Variants in TMEM132E observed in about 807,000 individuals in gnomAD.
TMEM132E encodes the protein transmembrane protein 132E.
TMEM132E carries 49 observed loss-of-function variants against 78.5 expected under a neutral mutation model. That is an observed-to-expected ratio of 0.62 (90% CI 0.50 to 0.79). The LOEUF (loss-of-function observed/expected upper bound fraction) is 0.79, where lower values mean the gene tolerates loss of function less well. Among genes scored for constraint, TMEM132E ranks in the 30% least tolerant of loss-of-function variants. The pLI is 0.00. For missense variants in TMEM132E, 1,403 were observed against 1,470.9 expected (o/e 0.95, Z 0.75); for synonymous variants, 715 against 670.6 (o/e 1.07, Z -1.02).
At position 34,627,064 on chromosome 17, in the gene TMEM132E, G is replaced by A. The variant is rs1907173685; in HGVS notation, c.998+7G>A. 3 of 1,612,456 alleles carry A rather than the reference G, an allele frequency of 1.9e-6. No homozygotes were observed. Among genetic ancestry groups the A allele is most frequent in the Non-Finnish European group, 1.7e-6 (2 of 1,179,094 alleles). ...TGGAGCACTTCACACTCAGGTAGTA[G>A]GGAAGATGGGTGGGGATCTGGTTTC... On this transcript the variant is annotated splice_region_variant and intron_variant, in intron 2 of 8. Transcript: ENST00000631683.
At chr17:34,604,595 C>T (rs1906350032) in intron 1 of TMEM132E, among the ~76,000 whole-genome samples, 1 of 152,106 alleles carries the variant, frequency 6.6e-6, no homozygotes, top group African/African-American at 2.4e-5. Flanking sequence ...CCTCCCCCAA[C>T]TCAGATGACC....
intron 1 of TMEM132E, among the ~76,000 whole-genome samples, chr17:34,587,557 A>G (rs936362725): frequency 2.0e-5 from 3 of 152,086 alleles, no homozygotes; most frequent in Non-Finnish European, 2.9e-5. Context: ...GGACCCCACA[A>G]CCTTCTCAGC....
rs147443444 is a variant in TMEM132E at position 34,593,587 on chromosome 17, C to A, written c.67+12444C>A. ...ACCTCCTGCTGTCCTTCTTGGAAAT[C>A]CCCTGCCCAGCTCAGTGCCTGCTCA... is the stretch of plus-strand genomic sequence containing the variant. On this transcript the variant is annotated intron_variant, in intron 1 of 8. Transcript: ENST00000631683. Among the ~76,000 whole-genome samples, 592 of 152,366 alleles carry A rather than the reference C, an allele frequency of 3.9e-3. 4 individuals carry two copies. Among genetic ancestry groups the A allele is most frequent in the African/African-American group, 0.014 (562 of 41,588 alleles).
intron 6 of TMEM132E, 43 bp downstream of exon 6, chr17:34,632,952 G>A (rs779530512): frequency 6.2e-7 from 1 of 1,606,200 alleles, no homozygotes; most frequent in South Asian, 1.1e-5. Context: ...AAACTCATGG[G>A]TGGATACAGC....
intron 1 of TMEM132E, among the ~76,000 whole-genome samples, chr17:34,601,364 C>T (rs1017001500): frequency 2.6e-5 from 4 of 152,192 alleles, no homozygotes; most frequent in Non-Finnish European, 5.9e-5. Flanking sequence ...GAGTGAGGGG[C>T]TTGGAGGAGA....
chr17:34,599,030 C>T (rs1025957296), intron 1 of TMEM132E, among the ~76,000 whole-genome samples: 3 of 152,184 alleles, frequency 2.0e-5, no homozygotes, highest in African/African-American at 7.2e-5. Flanking sequence ...TGAGTCCAGG[C>T]GGATGAAAAT....
At chr17:34,594,810 C>T (rs1407867497) in intron 1 of TMEM132E, among the ~76,000 whole-genome samples, 1 of 152,130 alleles carries the variant, frequency 6.6e-6, no homozygotes, top group East Asian at 1.9e-4. Flanking sequence ...TGATGTTATC[C>T]AAGCTGGTCT....
intron 4 of TMEM132E, 100 bp downstream of exon 4, chr17:34,629,304 A>G: frequency 7.5e-7 from 1 of 1,328,206 alleles, no homozygotes; most frequent in African/African-American, 1.5e-5. Flanking sequence ...GTACAAATTG[A>G]CATGTGTGTA....
chr17:34,580,998 G>T lies in TMEM132E; in HGVS notation c.-79G>T. 7.9e-7 allele frequency: 1 copy of T among 1,265,926 alleles called. No individual in the cohort carries two copies. Among genetic ancestry groups the T allele is most frequent in the South Asian group, 1.5e-5 (1 of 67,710 alleles). The allele number at this position is 1,265,926 out of a possible 1,614,324, so 78.4% of individuals were successfully genotyped here. A position where few individuals can be genotyped will look rare whatever the true frequency, so the allele number is the denominator to read the frequency against. The stretch of plus-strand genomic sequence containing the variant: ...CCGGGCGCCACGGCAGCCCTGAGTT[G>T]GATGTGACCAAGCCCAGCCTGGGGC... On this transcript the variant is annotated 5_prime_UTR_variant, in exon 1 of 9. Coordinates refer to ENST00000631683, the MANE Select transcript of TMEM132E (RefSeq NM_001304438.2).
At chr17:34,614,991 T>C (rs965763157) in intron 1 of TMEM132E, among the ~76,000 whole-genome samples, 3 of 152,166 alleles carry the variant, frequency 2.0e-5, no homozygotes, top group African/African-American at 7.2e-5. Flanking sequence ...TGGCCTCCTC[T>C]TGGGATTGCT....
chr17:34,635,970 C>T, intron 7 of TMEM132E, 37 bp from the exon 8 acceptor site: 1 of 1,350,888 alleles, frequency 7.4e-7, no homozygotes, highest in South Asian at 2.0e-5. Context: ...GGTGTGCTTT[C>T]CTGGTTCTCT....
At chr17:34,588,001 A>C (rs1484822384) in intron 1 of TMEM132E, among the ~76,000 whole-genome samples, 1 of 152,180 alleles carries the variant, frequency 6.6e-6, no homozygotes, top group African/African-American at 2.4e-5. Flanking sequence ...GCAGCCAGCC[A>C]TGCGGGCCCT....
chr17:34,608,845 C>T (rs1407814090), intron 1 of TMEM132E, among the ~76,000 whole-genome samples: 1 of 152,160 alleles, frequency 6.6e-6, no homozygotes, highest in Admixed American at 6.6e-5. Flanking sequence ...AAATGTCCAG[C>T]CGAATACCCC....
rs1907124475 is a variant in TMEM132E, at chr17:34,626,362, G to A, written c.303G>A (p.Gln101=). Residue 101 remains glutamine, a synonymous_variant, in exon 2 of 9, where the codon CAG becomes CAA. Coordinates refer to ENST00000631683, the MANE Select transcript of TMEM132E (RefSeq NM_001304438.2). ...CTCTGGGGCCCTTCAGCACCAGCCA[G>A]GTGGTGGCGCGGGAGCTCCTGCAGC... ...NVSLGPFSTS[Q]VVARELLQPS... is the part of the protein sequence containing the mutation. 1.2e-6 allele frequency: 2 copies of A among 1,613,228 alleles called. No individual in the cohort carries two copies. Among genetic ancestry groups the A allele is most frequent in the Non-Finnish European group, 8.5e-7 (1 of 1,179,774 alleles).
At chr17:34,581,756 C>T (rs575387740) in intron 1 of TMEM132E, among the ~76,000 whole-genome samples, 22 of 151,676 alleles carry the variant, frequency 1.5e-4, no homozygotes, top group Non-Finnish European at 2.8e-4. Context: ...CAGGCCGGGG[C>T]GGTGGGCCGC....
Position 34,636,154 on chromosome 17 carries a change from C to T in TMEM132E, c.2125C>T (p.Leu709=). 5.1e-6 allele frequency: 8 copies of T among 1,566,222 alleles called. No individual in the cohort carries two copies. Among genetic ancestry groups the T allele is most frequent in the Non-Finnish European group, 6.9e-6 (8 of 1,159,184 alleles). Residue 709 remains leucine, a synonymous_variant, in exon 8 of 9, where the codon CTA becomes TTA. Coordinates refer to ENST00000631683, the MANE Select transcript of TMEM132E (RefSeq NM_001304438.2). ...RPSPGSSHTI[L]ATTAAQQTLS... Reference sequence around the variant, plus strand: ...CAGCCCTGGGAGCAGCCACACCATCCTAGCCACCACAGCTGCCCAACAGAC... The same window carrying T: ...CAGCCCTGGGAGCAGCCACACCATCTTAGCCACCACAGCTGCCCAACAGAC...
intron 1 of TMEM132E, among the ~76,000 whole-genome samples, chr17:34,616,603 A>C (rs1906786713): frequency 6.6e-6 from 1 of 152,146 alleles, no homozygotes; most frequent in African/African-American, 2.4e-5. Flanking sequence ...CAGGTTGATG[A>C]GGGAGACACT....
intron 1 of TMEM132E, among the ~76,000 whole-genome samples, chr17:34,584,404 C>A (rs1409173642): frequency 2.6e-5 from 4 of 152,220 alleles, no homozygotes; most frequent in Non-Finnish European, 4.4e-5. Context: ...AGTCCCCATA[C>A]CCTGATAGAA....
chr17:34,632,752 G>A lies in TMEM132E; in HGVS notation c.1531G>A (p.Gly511Arg). ...YVFVSGKESR[G>R]SMNARVTFRY... ...GTTTGTGAGTGGAAAAGAGTCTCGA[G>A]GGTCCATGAACGCCAGGGTCACCTT... is the stretch of plus-strand genomic sequence containing the variant. Residue 511 changes from glycine to arginine, a missense_variant, in exon 6 of 9, where the codon GGG becomes AGG. Transcript: ENST00000631683. The A allele has an allele frequency of 6.2e-7, 1 of 1,614,172 alleles. No homozygotes were observed.
Sources: gnomAD v4.1 joint callset for allele counts (sites outside exome capture counted in the v4.1 genomes callset) on GRCh38, gnomAD v4.1.1 for gene constraint, MANE v1.5 for transcripts, NCBI Gene and HGNC (gene_info 2026-07-23, HGNC 2026-07-21) for gene names.